HDAC4: variants seen among roughly 807,000 people sequenced by gnomAD.
HDAC4 encodes the protein histone deacetylase A.
HDAC4 carries 16 observed loss-of-function variants against 135.1 expected under a neutral mutation model. That is an observed-to-expected ratio of 0.12 (90% confidence interval 0.08 to 0.18). The LOEUF is 0.18. HDAC4 is among the 10% of genes least tolerant of loss of function. The pLI is 1.00. For synonymous variants in HDAC4, 685 were observed against 653.4 expected (o/e 1.05, Z -0.74); for missense variants, 1,143 against 1,511.8 (o/e 0.76, Z 4.05).
chr2:239,111,461 C>T (rs1011604613), intron 14 of HDAC4, 65 bp downstream of exon 14: 1 of 1,475,948 alleles, frequency 6.8e-7, no homozygotes, highest in Non-Finnish European at 9.3e-7. Flanking sequence ...CCGGGAAGAG[C>T]CCCCCGCGCT....
chr2:239,115,379 G>C lies in HDAC4; in HGVS notation c.1534-69C>G. On this transcript the variant is annotated intron_variant, in intron 12 of 26. Coordinates refer to ENST00000543185, the MANE Select transcript of HDAC4 (RefSeq NM_001378414.1). The surrounding 1 kb of genome is among the most constrained non-coding windows in gnomAD (Gnocchi z 6.3). Reference sequence around the variant, plus strand: ...TCTGAGCTCATCTGACAGGAGAAGGGATGCTGCAAACCCCACCCTCTGGGG... The same window carrying C: ...TCTGAGCTCATCTGACAGGAGAAGGCATGCTGCAAACCCCACCCTCTGGGG... 6.3e-7 allele frequency: 1 copy of C among 1,593,136 alleles called. No homozygotes were observed. Among genetic ancestry groups the C allele is most frequent in the South Asian group, 1.1e-5 (1 of 90,134 alleles).
At chr2:239,104,137 T>C (rs1003032453) in intron 15 of HDAC4, among the ~76,000 whole-genome samples, 2 of 152,236 alleles carry the variant, frequency 1.3e-5, no homozygotes, top group Non-Finnish European at 2.9e-5. Flanking sequence ...ATAAGTCACA[T>C]GTCCCTGGAA....
intron 2 of HDAC4, among the ~76,000 whole-genome samples, chr2:239,243,443 C>T (rs2048305491): frequency 6.6e-6 from 1 of 152,184 alleles, no homozygotes. Flanking sequence ...TGAGCCACCG[C>T]TCCCGGCTGG....
At chr2:239,386,917 C>T (rs892802906) in intron 1 of HDAC4, among the ~76,000 whole-genome samples, 6 of 152,240 alleles carry the variant, frequency 3.9e-5, no homozygotes, top group African/African-American at 1.4e-4. Context: ...CTCCACCCTT[C>T]CTCATTAGGT....
intron 4 of HDAC4, among the ~76,000 whole-genome samples, chr2:239,184,242 A>C (rs186139820): frequency 6.6e-6 from 1 of 152,176 alleles, no homozygotes; most frequent in Non-Finnish European, 1.5e-5. Context: ...TGCAACCTAC[A>C]TACAAAAGGT....
intron 2 of HDAC4, among the ~76,000 whole-genome samples, chr2:239,281,563 C>T (rs1166904256): frequency 6.7e-6 from 1 of 149,888 alleles, no homozygotes; most frequent in Non-Finnish European, 1.5e-5. Context: ...ATGTACACAC[C>T]ACTCTACAAT....
intron 5 of HDAC4, among the ~76,000 whole-genome samples, chr2:239,169,001 G>C (rs2043285966): frequency 6.6e-6 from 1 of 152,208 alleles, no homozygotes; most frequent in South Asian, 2.1e-4. Context: ...TTTTGGGCTG[G>C]TAAACGGATC....
At chr2:239,165,320 C>T (rs966974849) in intron 5 of HDAC4, among the ~76,000 whole-genome samples, 1 of 152,208 alleles carries the variant, frequency 6.6e-6, no homozygotes, top group African/African-American at 2.4e-5. Flanking sequence ...TGCTGGTCCT[C>T]AAATCACCAT....
chr2:239,149,681 CCCT>C (rs2041989010), intron 7 of HDAC4, among the ~76,000 whole-genome samples: 1 of 152,192 alleles, frequency 6.6e-6, no homozygotes, highest in Non-Finnish European at 1.5e-5. Context: ...GCACCAGCCA[CCCT>C]CGACTTTGAA....
intron 24 of HDAC4, among the ~76,000 whole-genome samples, chr2:239,057,689 A>T (rs1276380851): frequency 6.6e-6 from 1 of 152,212 alleles, no homozygotes; most frequent in Non-Finnish European, 1.5e-5. Context: ...CAAGGGTGAG[A>T]TAAAGACCTG....
chr2:239,158,187 G>T (rs977139829), intron 6 of HDAC4, among the ~76,000 whole-genome samples: 1 of 151,840 alleles, frequency 6.6e-6, no homozygotes, highest in Non-Finnish European at 1.5e-5. Context: ...AAGGTCTGGG[G>T]GCAACACTCT....
intron 16 of HDAC4, among the ~76,000 whole-genome samples, chr2:239,096,935 G>A (rs1027205591): frequency 2.0e-5 from 3 of 152,180 alleles, no homozygotes; most frequent in Admixed American, 2.0e-4. Context: ...CATGCCAACA[G>A]GGAGCAGGGC....
In HDAC4 at chr2:239,115,064, G is replaced by A. The variant is rs756448649; in HGVS notation, c.1780C>T (p.Leu594Phe). 14 of 1,610,706 alleles carry A rather than the reference G, an allele frequency of 8.7e-6. No individual in the cohort carries two copies. Among genetic ancestry groups the A allele is most frequent in the Non-Finnish European group, 1.2e-5 (14 of 1,179,874 alleles). The change falls in exon 13 of 27, where the codon CTC becomes TTC. Residue 594 changes from leucine to phenylalanine, a missense_variant. Transcript: ENST00000543185. This position sits in a 1 kb window ranked among gnomAD's most constrained non-coding sequence, Gnocchi z 6.3. The stretch of plus-strand genomic sequence containing the variant: ...CCGCCTGCGGTCACCTGTCTGAAGA[G>A]CAGCTCCTGCTCACTGGGCTGGCGC... ...GQRQPSEQEL[L>F]FRQQALLLEQ...
intron 2 of HDAC4, among the ~76,000 whole-genome samples, chr2:239,278,839 G>A (rs1452346405): frequency 1.3e-5 from 2 of 152,116 alleles, no homozygotes; most frequent in African/African-American, 4.8e-5. Flanking sequence ...GACCATTGGG[G>A]CCGGGGCCGG....
chr2:239,150,450 A>G (rs1295146178), intron 7 of HDAC4, among the ~76,000 whole-genome samples: 1 of 151,804 alleles, frequency 6.6e-6, no homozygotes, highest in Admixed American at 6.6e-5. Flanking sequence ...ACACAGACAC[A>G]CACACAGATA....
intron 2 of HDAC4, among the ~76,000 whole-genome samples, chr2:239,271,589 C>T (rs1321037230): frequency 6.6e-6 from 1 of 152,064 alleles, no homozygotes; most frequent in Non-Finnish European, 1.5e-5. Flanking sequence ...CTCTCCATCC[C>T]CCGATGTGGA....
At chr2:239,337,524 A>C (rs1035968919) in intron 2 of HDAC4, among the ~76,000 whole-genome samples, 4 of 152,186 alleles carry the variant, frequency 2.6e-5, no homozygotes, top group Admixed American at 2.0e-4. Flanking sequence ...CAAGCGAGGA[A>C]ATCAAACACT....
At chr2:239,053,900 C>T (rs1261271851) in intron 25 of HDAC4, among the ~76,000 whole-genome samples, 1 of 152,080 alleles carries the variant, frequency 6.6e-6, no homozygotes, top group Non-Finnish European at 1.5e-5. Flanking sequence ...CTCACGGGCC[C>T]CTTTCTGCCC....
intron 1 of HDAC4, among the ~76,000 whole-genome samples, chr2:239,368,136 C>T (rs11904463): frequency 0.033 from 4,962 of 152,296 alleles, 272 homozygotes; most frequent in African/African-American, 0.11. Context: ...TCAGCCTGTG[C>T]ATCTCAATCA....
Sources: gnomAD v4.1 joint callset for allele counts (sites outside exome capture counted in the v4.1 genomes callset) on GRCh38, gnomAD v4.1.1 for gene constraint, Gnocchi (gnomAD v3.1) non-coding constraint, MANE v1.5 for transcripts, NCBI Gene and HGNC (gene_info 2026-07-23, HGNC 2026-07-21) for gene names.